The following TRIT1 variants were observed in gnomAD, a reference collection of about 807,000 sequenced individuals.
The protein encoded by TRIT1 is tRNA isopentenyltransferase 1, also known as tRNA dimethylallyltransferase.
TRIT1 carries 43 observed loss-of-function variants against 51.2 expected under a neutral mutation model. The ratio of observed to expected loss-of-function variants is 0.84; its 90% CI spans 0.66 to 1.08. The LOEUF (loss-of-function observed/expected upper bound fraction) is 1.08. TRIT1 is among the 50% of genes least tolerant of loss of function. TRIT1 has a pLI of 0.00. For missense variants in TRIT1, 528 were observed against 578.4 expected (o/e 0.91, Z 0.89); for synonymous variants, 184 against 203.9 (o/e 0.90, Z 0.83).
intron 8 of TRIT1, 191 bp downstream of exon 8, chr1:39,847,028 TA>T: frequency 1.8e-6 from 1 of 552,124 alleles, no homozygotes; most frequent in East Asian, 3.0e-5. Flanking sequence ...TCAATGCAAA[TA>T]ATTTTTTTTT....
rs188839773 is a variant in TRIT1, at chr1:39,870,079, T to C, written c.175-12662A>G. ...TTTTGTCAAGTGGAAGGGGGGAAAG[T>C]GTGGGGAAAGGAAAGAGAAATCAGA... On this transcript the variant is annotated intron_variant, in intron 1 of 10. Coordinates refer to ENST00000316891, the MANE Select transcript of TRIT1 (RefSeq NM_017646.6). Among the ~76,000 whole-genome samples the C allele has an allele frequency of 8.9e-4, 135 of 152,222 alleles. No individual in the cohort carries two copies. The East Asian group carries it at 0.02, about 23-fold the overall frequency.
At chr1:39,868,669 A>C (rs116624556) in intron 1 of TRIT1, among the ~76,000 whole-genome samples, 9,087 of 150,510 alleles carry the variant, frequency 0.06, 719 homozygotes, top group East Asian at 0.18. Context: ...AAAACTCTTA[A>C]AATTCATCAA....
chr1:39,842,209 A>G (rs1361258252), intron 10 of TRIT1, among the ~76,000 whole-genome samples: 2 of 152,190 alleles, frequency 1.3e-5, no homozygotes, highest in East Asian at 3.8e-4. Context: ...CATTTTATAC[A>G]AGGGAAACTG....
In TRIT1 at chr1:39,847,403, T is replaced by C. The variant is rs1218409392; in HGVS notation, c.929-106A>G. 11 of 1,433,256 alleles carry C rather than the reference T, an allele frequency of 7.7e-6. No homozygotes were observed. The African/African-American group carries it at 1.3e-4, about 17-fold the overall frequency. 88.8% of individuals were successfully genotyped at this position (1,433,256 alleles called of 1,614,324 possible). A position where few individuals can be genotyped will look rare whatever the true frequency, so the allele number is the denominator to read the frequency against. On this transcript the variant is annotated intron_variant, in intron 7 of 10. Transcript: ENST00000316891. ...GAAAAAGTCAGCCACGGCAGTGCAATGTCAGACTTGGTGGACAAAAATCTC... is the reference window on the plus strand; with the variant it reads ...GAAAAAGTCAGCCACGGCAGTGCAACGTCAGACTTGGTGGACAAAAATCTC...
intron 1 of TRIT1, among the ~76,000 whole-genome samples, chr1:39,877,882 G>T (rs981423053): frequency 6.6e-6 from 1 of 152,178 alleles, no homozygotes; most frequent in Non-Finnish European, 1.5e-5. Flanking sequence ...AACAGGGATT[G>T]TATTACCTGT....
intron 1 of TRIT1, chr1:39,862,907 T>C: frequency 3.0e-6 from 3 of 985,460 alleles, no homozygotes; most frequent in Non-Finnish European, 3.6e-6. Flanking sequence ...TCTGCTCCAT[T>C]TCCCCTTCTC....
chr1:39,883,469 C>A lies in TRIT1; in HGVS notation c.23G>T (p.Arg8Leu), dbSNP rs771619860. The change falls in exon 1 of 11, where the codon CGA (arginine) becomes CTA (leucine). Residue 8 changes from arginine to leucine, a missense_variant. Coordinates refer to ENST00000316891, the MANE Select transcript of TRIT1 (RefSeq NM_017646.6). ...GAGCCCACTGCCCACGGGAACTGCT[C>A]GTGCAGCCGCCACGGACGCCATCTT... MASVAAA[R>L]AVPVGSGLRG... 8.8e-6 allele frequency: 14 copies of A among 1,595,956 alleles called. No homozygotes were observed. In the East Asian group the frequency reaches 2.3e-4, roughly 26 times the overall value.
At chr1:39,870,142 A>G (rs1643808169) in intron 1 of TRIT1, among the ~76,000 whole-genome samples, 1 of 152,180 alleles carries the variant, frequency 6.6e-6, no homozygotes, top group Admixed American at 6.5e-5. Context: ...TAGACATGGG[A>G]GACTCCATTT....
intron 5 of TRIT1, 66 bp from the exon 6 acceptor site, chr1:39,848,163 G>C (rs950054587): frequency 2.6e-6 from 3 of 1,157,440 alleles, no homozygotes; most frequent in African/African-American, 3.1e-5. Context: ...CTTACATGAC[G>C]AGTGAACAGG....
rs148601848 is a variant in TRIT1, at chr1:39,852,786, C to T, written c.505G>A (p.Val169Met). The T allele has an allele frequency of 3.1e-6, 5 of 1,614,068 alleles. No homozygotes were observed. The highest frequency in any genetic ancestry group is 1.3e-5 in the African/African-American group (1 of 74,924). ...GLVLHKRLSQ[V>M]DPEMAAKLHP... ...AGCTTGGCAGCCATTTCTGGGTCCA[C>T]CTGGCTTAGGCGTTTGTGAAGTACA... The change falls in exon 4 of 11, where the codon GTG (valine) becomes ATG (methionine). Residue 169 changes from valine (V) to methionine (M), a missense_variant. Around this residue, in one of 3 missense-constraint regions of TRIT1, gnomAD observed 468 missense variants for 522.6 expected, o/e 0.90. Transcript: ENST00000316891.
chr1:39,852,334 C>G (rs1382441208), intron 4 of TRIT1, among the ~76,000 whole-genome samples: 1 of 152,172 alleles, frequency 6.6e-6, no homozygotes, highest in Admixed American at 6.5e-5. Context: ...ATAAAATCCA[C>G]CTCCCACTGG....
intron 4 of TRIT1, among the ~76,000 whole-genome samples, chr1:39,851,200 G>C (rs574441529): frequency 6.6e-6 from 1 of 152,052 alleles, no homozygotes; most frequent in East Asian, 1.9e-4. Context: ...CACTTATCTG[G>C]AGTTAAAATA....
chr1:39,863,841 T>A (rs1442326482), intron 1 of TRIT1, among the ~76,000 whole-genome samples: 1 of 150,860 alleles, frequency 6.6e-6, no homozygotes, highest in African/African-American at 2.4e-5. Flanking sequence ...AAGAAATCCA[T>A]AACAGAGAAC....
chr1:39,852,569 C>G lies in TRIT1; in HGVS notation c.560+162G>C, dbSNP rs1341713563. ...GCAATTATTTATTGAGGGAGTTGAA[C>G]TGAAGCAATAACTCAGGGCCTCCCA... On this transcript the variant is annotated intron_variant, in intron 4 of 10. Coordinates refer to ENST00000316891, the MANE Select transcript of TRIT1 (RefSeq NM_017646.6). 5.2e-6 allele frequency: 4 copies of G among 765,864 alleles called. No individual in the cohort carries two copies. The African/African-American group carries it at 7.0e-5, about 13-fold the overall frequency. 47.4% of individuals were successfully genotyped at this position (765,864 alleles called of 1,614,324 possible). A position where few individuals can be genotyped will look rare whatever the true frequency, so the allele number is the denominator to read the frequency against.
chr1:39,881,111 C>T (rs527580206), intron 1 of TRIT1, among the ~76,000 whole-genome samples: 1 of 151,324 alleles, frequency 6.6e-6, no homozygotes, highest in African/African-American at 2.4e-5. Flanking sequence ...ACCCTAATCC[C>T]AGCTACTTGG....
At position 39,840,690 on chromosome 1, in the gene TRIT1, C is replaced by T. The variant is rs879408553; in HGVS notation, c.*1054G>A. Among the ~76,000 whole-genome samples the T allele has an allele frequency of 1.1e-4, 17 of 152,134 alleles. No individual in the cohort carries two copies. The highest frequency in any genetic ancestry group is 8.8e-5 in the Non-Finnish European group (6 of 68,024). On this transcript the variant is annotated 3_prime_UTR_variant, in exon 11 of 11. Transcript: ENST00000316891. The stretch of plus-strand genomic sequence containing the variant: ...CAAAGTTTGTTTGGAGTGACAAAAA[C>T]GTTTTGGAAATAGTGGCAACGATTG...
At chr1:39,863,220 C>T (rs12088263) in intron 1 of TRIT1, among the ~76,000 whole-genome samples, 28,193 of 152,188 alleles carry the variant, frequency 0.19, 2,680 homozygotes, top group East Asian at 0.29. Flanking sequence ...AATCCCAGCA[C>T]GTTAGAAGGC....
chr1:39,877,114 T>A (rs562000731), intron 1 of TRIT1, among the ~76,000 whole-genome samples: 1 of 150,096 alleles, frequency 6.7e-6, no homozygotes, highest in African/African-American at 2.4e-5. Context: ...TCTCCTTTCA[T>A]ATCCCTCCCC....
At chr1:39,859,159 G>A (rs1278669930) in intron 1 of TRIT1, among the ~76,000 whole-genome samples, 5 of 150,376 alleles carry the variant, frequency 3.3e-5, no homozygotes, top group African/African-American at 1.2e-4. Context: ...AGGAGGCTGA[G>A]GCAGGAGAAT....
Sources: allele counts gnomAD v4.1 joint callset (sites outside exome capture counted in the v4.1 genomes callset), GRCh38; gene constraint gnomAD v4.1.1; regional missense constraint gnomAD v4.1.1; transcripts MANE v1.5; gene names NCBI Gene and HGNC (gene_info 2026-07-23, HGNC 2026-07-21).